The following LIMCH1 variants were observed in gnomAD, a reference collection of about 807,000 sequenced individuals.
LIMCH1 encodes the protein LIM and calponin homology domains-containing protein 1.
In LIMCH1, 113 loss-of-function variants were observed where a neutral mutation model predicts 176.5. That is an observed-to-expected ratio of 0.64 (90% CI 0.55 to 0.75). The LOEUF (loss-of-function observed/expected upper bound fraction) is 0.75, where lower values mean the gene tolerates loss of function less well. LIMCH1 is among the 30% of genes least tolerant of loss of function. LIMCH1 has a pLI of 0.00. For missense variants in LIMCH1, 1,674 were observed against 1,814.9 expected (o/e 0.92, Z 1.41); for synonymous variants, 619 against 645.9 (o/e 0.96, Z 0.63).
At chr4:41,647,043 A>G (rs1364609238) in intron 17 of LIMCH1, 150 bp downstream of exon 17, 2 of 771,566 alleles carry the variant, frequency 2.6e-6, no homozygotes, top group African/African-American at 1.8e-5. Flanking sequence ...AGGTCTCTGG[A>G]GATTTGGTTT....
intron 1 of LIMCH1, among the ~76,000 whole-genome samples, chr4:41,376,888 T>A (rs983682561): frequency 2.0e-5 from 3 of 152,228 alleles, no homozygotes; most frequent in African/African-American, 7.2e-5. Flanking sequence ...TGGTGATGGT[T>A]GCCCATATGC....
intron 2 of LIMCH1, among the ~76,000 whole-genome samples, chr4:41,495,889 G>A (rs935894711): frequency 6.6e-6 from 1 of 152,102 alleles, no homozygotes; most frequent in Non-Finnish European, 1.5e-5. Context: ...TCTATTTGAT[G>A]TTTCCATATT....
chr4:41,468,804 G>T (rs976406699), intron 1 of LIMCH1, among the ~76,000 whole-genome samples: 4 of 152,100 alleles, frequency 2.6e-5, no homozygotes, highest in African/African-American at 4.8e-5. Flanking sequence ...CTTTCCCAGT[G>T]TAGCTGGTGG....
chr4:41,663,103 T>A, intron 20 of LIMCH1, 119 bp downstream of exon 20: 7 of 943,444 alleles, frequency 7.4e-6, no homozygotes. Flanking sequence ...CTCATCTTTT[T>A]TCCTATCTTT....
In LIMCH1 at chr4:41,680,066, G is replaced by T. The variant is rs897627505; in HGVS notation, c.3580G>T (p.Val1194Leu). Residue 1194 changes from valine (V) to leucine (L), a missense_variant, in exon 24 of 32, where the codon GTG becomes TTG. By Grantham distance (32) the Val-to-Leu change is conservative. Transcript: ENST00000503057. Reference protein sequence around the residue: ...KEEWEKAQKEVEEEERRYYEE... With the variant: ...KEEWEKAQKELEEEERRYYEE... Reference sequence around the variant, plus strand: ...AGAGTGGGAAAAGGCCCAAAAGGAGGTGGAAGAGGAAGAACGCAGATACTA... The same window carrying T: ...AGAGTGGGAAAAGGCCCAAAAGGAGTTGGAAGAGGAAGAACGCAGATACTA... The T allele has an allele frequency of 8.1e-6, 13 of 1,609,838 alleles. No individual in the cohort carries two copies. The highest frequency in any genetic ancestry group is 1.1e-5 in the Non-Finnish European group (13 of 1,178,222).
At position 41,681,855 on chromosome 4, in the gene LIMCH1, G is replaced by GTA. The variant is rs565805513; in HGVS notation, c.3718-477_3718-476dup. ...AAATAAATAAATAAAATGAACTTAC[G>GTA]TAGAACAGCACTAAAAACAAACAAA... On this transcript the variant is annotated intron_variant, in intron 25 of 31. Coordinates refer to ENST00000503057, the MANE Select transcript of LIMCH1 (RefSeq NM_001330672.2). Among the ~76,000 whole-genome samples, 54 of 152,174 alleles carry GTA rather than the reference G, an allele frequency of 3.5e-4. No homozygotes were observed. The South Asian group carries it at 0.011, about 30-fold the overall frequency.
chr4:41,456,014 A>C (rs1215041034), intron 1 of LIMCH1, among the ~76,000 whole-genome samples: 1 of 152,036 alleles, frequency 6.6e-6, no homozygotes, highest in East Asian at 1.9e-4. Flanking sequence ...CCTGGATGTG[A>C]GACACACTTT....
chr4:41,636,098 G>A (rs758303570), intron 13 of LIMCH1, among the ~76,000 whole-genome samples: 10 of 151,726 alleles, frequency 6.6e-5, no homozygotes, highest in African/African-American at 2.4e-4. Flanking sequence ...TTTTGTAGAG[G>A]CAGAGTCTCA....
chr4:41,627,019 GGTGTGTGTGTGTGT>G lies in LIMCH1; in HGVS notation c.1028+30_1028+43del, dbSNP rs34266308. On this transcript the variant is annotated intron_variant, in intron 8 of 31. Coordinates refer to ENST00000503057, the MANE Select transcript of LIMCH1 (RefSeq NM_001330672.2). ...AGTCTAGAATATAAAAGGTGTGCAT[GGTGTGTGTGTGTGT>G]GTGTGTGTGTGTGTGTGTGTCTATG... is the stretch of plus-strand genomic sequence containing the variant. The G allele has an allele frequency of 3.6e-6, 5 of 1,407,724 alleles. No individual in the cohort carries two copies. In the African/African-American group the frequency reaches 5.0e-5, roughly 14 times the overall value. The allele number at this position is 1,407,724 out of a possible 1,614,324, so 87.2% of individuals were successfully genotyped here. A position where few individuals can be genotyped will look rare whatever the true frequency, so the allele number is the denominator to read the frequency against.
chr4:41,592,352 A>G (rs2087764193), intron 1 of LIMCH1, among the ~76,000 whole-genome samples: 1 of 152,198 alleles, frequency 6.6e-6, no homozygotes, highest in African/African-American at 2.4e-5. Context: ...ATAAGCAGCT[A>G]CCCTCCAAAT....
At chr4:41,542,899 T>C (rs1243015106) in intron 1 of LIMCH1, among the ~76,000 whole-genome samples, 1 of 152,336 alleles carries the variant, frequency 6.6e-6, no homozygotes, top group African/African-American at 2.4e-5. Context: ...TGTAACATTG[T>C]CCTCACATTA....
At chr4:41,595,435 G>A (rs2088565853) in intron 1 of LIMCH1, among the ~76,000 whole-genome samples, 2 of 152,120 alleles carry the variant, frequency 1.3e-5, no homozygotes, top group Admixed American at 1.3e-4. Flanking sequence ...TCCACTGTGT[G>A]AAGTTAATTG....
chr4:41,441,366 C>T lies in LIMCH1; in HGVS notation c.97-53170C>T, dbSNP rs554331208. Among the ~76,000 whole-genome samples the T allele has an allele frequency of 1.2e-3, 177 of 152,254 alleles. 2 individuals are homozygous for T. In the South Asian group the frequency reaches 0.035, roughly 30 times the overall value. On this transcript the variant is annotated intron_variant, in intron 1 of 26. Coordinates refer to the LIMCH1 transcript ENST00000313860. Reference sequence around the variant, plus strand: ...ATTTGTCTTAGTTCCCTTGGCCAATCCTCTTTCTTATTGTCCCATTTCTGA... The same window carrying T: ...ATTTGTCTTAGTTCCCTTGGCCAATTCTCTTTCTTATTGTCCCATTTCTGA...
rs2093980788 is a variant in LIMCH1, at chr4:41,644,536, G to C, written c.2163G>C (p.Glu721Asp). The C allele has an allele frequency of 6.3e-7, 1 of 1,596,498 alleles. No individual in the cohort carries two copies. The highest frequency in any genetic ancestry group is 8.5e-7 in the Non-Finnish European group (1 of 1,171,798). Residue 721 changes from glutamate to aspartate, a missense_variant, in exon 15 of 32, where the codon GAG becomes GAC. By Grantham distance (45) the Glu-to-Asp change is conservative. This residue lies in a region of LIMCH1 where 1,015 missense variants were observed against 1,102.5 expected (regional missense o/e 0.92). Transcript: ENST00000503057. ...TSMFDMRCEE[E>D]AAVQPHSRAR... ...TGTTTGACATGCGGTGTGAGGAGGA[G>C]GCCGCGGTGCAGCCGCACAGCAGGG... is the stretch of plus-strand genomic sequence containing the variant.
intron 2 of LIMCH1, among the ~76,000 whole-genome samples, chr4:41,522,186 G>A (rs752757831): frequency 9.2e-5 from 14 of 152,224 alleles, no homozygotes; most frequent in Non-Finnish European, 1.3e-4. Context: ...TGGTTGATCT[G>A]TCAGCTCTGC....
chr4:41,626,991 A>T lies in LIMCH1; in HGVS notation c.1009A>T (p.Arg337Ter). ...GCTCTCAAAGGGAATCTCAAAAAAA[A>T]GAAGTCTAGAATATAAAAGGTGTGC... Reference protein sequence around the residue: ...KQLSKGISKKRSLEYKRNQGH... With the variant: ...KQLSKGISKK The change falls in exon 8 of 32, where the codon AGA becomes TGA. Residue 337 changes from arginine (R) to a stop codon, truncating the protein, a stop_gained. Coordinates refer to ENST00000503057, the MANE Select transcript of LIMCH1 (RefSeq NM_001330672.2). LOFTEE classifies it high-confidence loss of function. The T allele has an allele frequency of 6.5e-7, 1 of 1,534,056 alleles. No individual in the cohort carries two copies. The highest frequency in any genetic ancestry group is 8.7e-7 in the Non-Finnish European group (1 of 1,146,718).
rs1045768016 is a variant in LIMCH1 at position 41,419,389 on chromosome 4, G to A, written c.96+58453G>A. 4.6e-5 allele frequency among the ~76,000 whole-genome samples: 7 copies of A among 152,084 alleles called. No individual in the cohort carries two copies. In the South Asian group the frequency reaches 1.0e-3, roughly 23 times the overall value. ...GACGGGGTTTCACTGTGTTGGCCAGGCTGGTCTCAAACAGGAGTTTGTGAT... is the reference window on the plus strand; with the variant it reads ...GACGGGGTTTCACTGTGTTGGCCAGACTGGTCTCAAACAGGAGTTTGTGAT... On this transcript the variant is annotated intron_variant, in intron 1 of 26. Transcript: ENST00000313860.
intron 1 of LIMCH1, among the ~76,000 whole-genome samples, chr4:41,423,632 A>C (rs1479678560): frequency 6.6e-6 from 1 of 152,170 alleles, no homozygotes; most frequent in Non-Finnish European, 1.5e-5. Flanking sequence ...CTCCAAGCCT[A>C]TAGCCTGGGG....
At chr4:41,360,026 G>GGT (rs35179191), upstream of LIMCH1, among the ~76,000 whole-genome samples, 10,351 of 145,774 alleles carry the variant, frequency 0.071, 572 homozygotes, top group African/African-American at 0.16. This position sits in a 1 kb window ranked among gnomAD's most constrained non-coding sequence, Gnocchi z 4.5. Flanking sequence ...GGGTGTGTAG[G>GGT]GTGTGTGTGT....
Sources: allele counts gnomAD v4.1 joint callset (sites outside exome capture counted in the v4.1 genomes callset), GRCh38; gene constraint gnomAD v4.1.1; regional missense constraint gnomAD v4.1.1; non-coding constraint Gnocchi (gnomAD v3.1); transcripts MANE v1.5; gene names NCBI Gene and HGNC (gene_info 2026-07-23, HGNC 2026-07-21).